The following WDR72 variants were observed in gnomAD, a reference collection of about 807,000 sequenced individuals.
The protein encoded by WDR72 is WD repeat domain 72.
WDR72 carries 120 observed loss-of-function variants against 124.2 expected under a neutral mutation model. The observed-to-expected ratio is 0.97, with a 90% CI of 0.83 to 1.12. The LOEUF (loss-of-function observed/expected upper bound fraction) is 1.12. Among genes scored for constraint, WDR72 ranks in the 50% most tolerant of loss-of-function variants. The pLI is 0.00. For synonymous variants in WDR72, 452 were observed against 441.7 expected, an observed-to-expected ratio of 1.02 and a Z score of -0.29; for missense variants, 1,387 against 1,278.8, an observed-to-expected ratio of 1.08 and a Z score of -1.29.
At chr15:53,686,904 A>C (rs1237291319) in intron 13 of WDR72, among the ~76,000 whole-genome samples, 1 of 151,872 alleles carries the variant, frequency 6.6e-6, no homozygotes, top group Non-Finnish European at 1.5e-5. Flanking sequence ...AGGATTAAGA[A>C]TCTCACTCAA....
intron 18 of WDR72, among the ~76,000 whole-genome samples, chr15:53,562,746 C>T (rs1894167350): frequency 6.6e-6 from 1 of 151,688 alleles, no homozygotes; most frequent in African/African-American, 2.4e-5. Context: ...CAAACCCTTC[C>T]CAAGAGATAA....
At chr15:53,750,570 C>T (rs1275948177) in intron 1 of WDR72, among the ~76,000 whole-genome samples, 1 of 152,188 alleles carries the variant, frequency 6.6e-6, no homozygotes, top group Non-Finnish European at 1.5e-5. Context: ...TTAAGCTATA[C>T]ATTTTGTGAG....
chr15:53,695,425 T>C (rs1202304139), intron 13 of WDR72, among the ~76,000 whole-genome samples: 1 of 152,240 alleles, frequency 6.6e-6, no homozygotes, highest in African/African-American at 2.4e-5. Context: ...GCCTATTGTG[T>C]CTCACAGCAA....
At chr15:53,658,741 C>T (rs1455173601) in intron 14 of WDR72, among the ~76,000 whole-genome samples, 1 of 152,140 alleles carries the variant, frequency 6.6e-6, no homozygotes, top group East Asian at 1.9e-4. Flanking sequence ...AAACATGAGC[C>T]AGGGTTTGGA....
chr15:53,745,395 C>A (rs1161826642), intron 1 of WDR72, among the ~76,000 whole-genome samples: 2 of 152,122 alleles, frequency 1.3e-5, no homozygotes, highest in Non-Finnish European at 2.9e-5. Flanking sequence ...ACTACAGTTT[C>A]TTTTCTTGAA....
At chr15:53,671,441 G>C (rs2015984907) in intron 13 of WDR72, among the ~76,000 whole-genome samples, 1 of 152,082 alleles carries the variant, frequency 6.6e-6, no homozygotes, top group South Asian at 2.1e-4. Context: ...TTATTTGCTT[G>C]CTTCCCCAAC....
intron 18 of WDR72, among the ~76,000 whole-genome samples, chr15:53,526,460 GGTAT>G (rs1346733588): frequency 6.6e-6 from 1 of 151,940 alleles, no homozygotes; most frequent in East Asian, 1.9e-4. Context: ...TGCCTACTTT[GGTAT>G]GTATTTTTAA....
At chr15:53,716,582 C>A (rs746034948) in intron 4 of WDR72, 25 bp downstream of exon 4, 6 of 1,482,472 alleles carry the variant, frequency 4.0e-6, no homozygotes, top group Middle Eastern at 1.7e-4. Context: ...TCTAGAAATG[C>A]CCTGAAGGAA....
chr15:53,621,658 A>G (rs1478727697), intron 14 of WDR72, among the ~76,000 whole-genome samples: 1 of 151,920 alleles, frequency 6.6e-6, no homozygotes, highest in Admixed American at 6.6e-5. Context: ...TGGGAAGGGG[A>G]TGACGAATAA....
At chr15:53,583,511 T>TA (rs1443985667) in intron 18 of WDR72, among the ~76,000 whole-genome samples, 1 of 151,968 alleles carries the variant, frequency 6.6e-6, no homozygotes, top group Non-Finnish European at 1.5e-5. Flanking sequence ...CACAAACCAC[T>TA]ATGGTGTCTG....
At chr15:53,533,714 C>T (rs1054195448) in intron 18 of WDR72, among the ~76,000 whole-genome samples, 2 of 152,124 alleles carry the variant, frequency 1.3e-5, no homozygotes, top group Non-Finnish European at 2.9e-5. Context: ...CTCACTGTCC[C>T]CTGGATATGC....
At chr15:53,756,903 G>A (rs772519262) in intron 1 of WDR72, 2 of 152,254 alleles carry the variant, frequency 1.3e-5, no homozygotes, top group Non-Finnish European at 2.9e-5. Context: ...AGAGGTGGTG[G>A]TCAGCATGTG....
chr15:53,749,717 T>C (rs184249505), intron 1 of WDR72, among the ~76,000 whole-genome samples: 9 of 152,308 alleles, frequency 5.9e-5, no homozygotes, highest in Non-Finnish European at 2.9e-5. Context: ...GGAAAAGTTC[T>C]TGATGGAAAC....
At chr15:53,635,861 C>A (rs1193569260) in intron 14 of WDR72, among the ~76,000 whole-genome samples, 2 of 152,034 alleles carry the variant, frequency 1.3e-5, no homozygotes, top group African/African-American at 2.4e-5. Flanking sequence ...AAAATAAAAA[C>A]AAAATGCTGC....
intron 13 of WDR72, among the ~76,000 whole-genome samples, chr15:53,691,865 T>C (rs557685476): frequency 6.6e-6 from 1 of 152,214 alleles, no homozygotes; most frequent in Admixed American, 6.5e-5. Context: ...AGCAATAGAA[T>C]TAGTTTGACA....
chr15:53,604,232 A>G (rs7164313), intron 17 of WDR72, among the ~76,000 whole-genome samples: 21,533 of 152,222 alleles, frequency 0.14, 2,414 homozygotes, highest in African/African-American at 0.31. Flanking sequence ...CAATAGGGAA[A>G]GGATTCCTTA....
At chr15:53,653,530 T>C (rs1300040385) in intron 14 of WDR72, among the ~76,000 whole-genome samples, 2 of 152,134 alleles carry the variant, frequency 1.3e-5, no homozygotes, top group Non-Finnish European at 2.9e-5. Flanking sequence ...TGAGGCCAAA[T>C]AGTTGGGGAT....
chr15:53,749,503 T>C (rs1007331280), intron 1 of WDR72, among the ~76,000 whole-genome samples: 1 of 152,130 alleles, frequency 6.6e-6, no homozygotes, highest in South Asian at 2.1e-4. Context: ...CTCTGTTCCC[T>C]GAAACAAAAC....
chr15:53,577,712 T>A (rs1006884313), intron 18 of WDR72, among the ~76,000 whole-genome samples: 3 of 152,116 alleles, frequency 2.0e-5, no homozygotes, highest in African/African-American at 4.8e-5. Context: ...AAAGCTACAT[T>A]AAGTGAGAAT....
Sources: allele counts gnomAD v4.1 joint callset (sites outside exome capture counted in the v4.1 genomes callset), GRCh38; gene constraint gnomAD v4.1.1; transcripts MANE v1.5; gene names NCBI Gene and HGNC (gene_info 2026-07-23, HGNC 2026-07-21).